Variants in ST3GAL4 observed in about 807,000 individuals in gnomAD.
ST3GAL4 encodes the protein ST3 beta-galactoside alpha-2,3-sialyltransferase 4.
ST3GAL4 carries 24 observed loss-of-function variants against 42.6 expected under a neutral mutation model. That is an observed-to-expected ratio of 0.56 (90% CI 0.41 to 0.79). The LOEUF is 0.79. ST3GAL4 is among the 30% of genes least tolerant of loss of function. The pLI, the probability that ST3GAL4 is intolerant of heterozygous loss-of-function variation, is 0.00. For synonymous variants in ST3GAL4, 135 were observed against 163.2 expected (o/e 0.83, Z 1.32); for missense variants, 311 against 430.8 (o/e 0.72, Z 2.46).
intron 1 of ST3GAL4, among the ~76,000 whole-genome samples, chr11:126,381,937 CT>C (rs1277822754): frequency 6.6e-6 from 1 of 151,742 alleles, no homozygotes; most frequent in African/African-American, 2.4e-5. Context: ...TAACTGCAGC[CT>C]TTCCCTGTGC....
intron 1 of ST3GAL4, among the ~76,000 whole-genome samples, chr11:126,377,879 C>T (rs375784446): frequency 4.6e-5 from 7 of 152,330 alleles, no homozygotes; most frequent in African/African-American, 1.7e-4. Context: ...ATTCATTCAT[C>T]CCAGATTGTA....
At chr11:126,387,941 C>T (rs1279484004) in intron 1 of ST3GAL4, among the ~76,000 whole-genome samples, 1 of 152,224 alleles carries the variant, frequency 6.6e-6, no homozygotes, top group African/African-American at 2.4e-5. Context: ...GGAGATTAGA[C>T]GATACCAGCA....
chr11:126,372,635 C>T (rs1354781216), intron 1 of ST3GAL4, among the ~76,000 whole-genome samples: 4 of 152,102 alleles, frequency 2.6e-5, no homozygotes, highest in Admixed American at 6.6e-5. Flanking sequence ...AGGCTGGTCT[C>T]GAACTCCCAA....
chr11:126,381,829 T>A (rs1387605489), intron 1 of ST3GAL4, among the ~76,000 whole-genome samples: 1 of 151,342 alleles, frequency 6.6e-6, no homozygotes, highest in Non-Finnish European at 1.5e-5. Context: ...GGGGAATCCA[T>A]TTCCTCCCTC....
At position 126,397,417 on chromosome 11, in the gene ST3GAL4, A is replaced by G. The variant is rs1368595587; in HGVS notation, c.-60-8679A>G. On this transcript the variant is annotated intron_variant, in intron 1 of 10. Transcript: ENST00000444328. This position sits in a 1 kb window ranked among gnomAD's most constrained non-coding sequence, Gnocchi z 5.0. ...GAGGTCATGGGATAGTGGGCAAGAC[A>G]TGAAAACCTTGTATAATATAAAATT... Among the ~76,000 whole-genome samples, 6 of 152,124 alleles carry G rather than the reference A, an allele frequency of 3.9e-5. No homozygotes were observed. The highest frequency in any genetic ancestry group is 7.3e-5 in the Non-Finnish European group (5 of 68,032).
At chr11:126,413,290 T>G (rs1954608968) in intron 9 of ST3GAL4, 3 of 509,172 alleles carry the variant, frequency 5.9e-6, no homozygotes, top group South Asian at 6.5e-5. Flanking sequence ...CGATTTAAAT[T>G]TACAATTTAA....
At chr11:126,382,641 G>A (rs1953052105) in intron 1 of ST3GAL4, among the ~76,000 whole-genome samples, 1 of 152,164 alleles carries the variant, frequency 6.6e-6, no homozygotes, top group Non-Finnish European at 1.5e-5. Flanking sequence ...CACTTGGCAT[G>A]ACCCCTGGCA....
intron 1 of ST3GAL4, among the ~76,000 whole-genome samples, chr11:126,374,784 C>G (rs1565399905): frequency 6.6e-6 from 1 of 152,122 alleles, no homozygotes; most frequent in African/African-American, 2.4e-5. Context: ...GATGACCGGT[C>G]TGTTCTTGGC....
chr11:126,362,215 T>TTTTTA (rs1555080379), intron 1 of ST3GAL4, among the ~76,000 whole-genome samples: 1 of 141,432 alleles, frequency 7.1e-6, no homozygotes, highest in African/African-American at 2.7e-5. Context: ...TTTTTTTTTT[T>TTTTTA]AAGACGGAGT....
chr11:126,409,011 T>G lies in ST3GAL4; in HGVS notation c.628-257T>G, dbSNP rs192707244. ...CCTGTGTGGATGTTCTTGGAAGTGG[T>G]CCATGGTTTAGACCCTCCACTCTAT... On this transcript the variant is annotated intron_variant, in intron 8 of 10. Coordinates refer to ENST00000444328, the MANE Select transcript of ST3GAL4 (RefSeq NM_001254757.2). This position sits in a 1 kb window ranked among gnomAD's most constrained non-coding sequence, Gnocchi z 4.9. 6.6e-6 allele frequency among the ~76,000 whole-genome samples: 1 copy of G among 152,192 alleles called. No individual in the cohort carries two copies. The highest frequency in any genetic ancestry group is 2.4e-5 in the African/African-American group (1 of 41,448).
At chr11:126,395,452 C>T (rs1953707806) in intron 1 of ST3GAL4, among the ~76,000 whole-genome samples, 1 of 152,120 alleles carries the variant, frequency 6.6e-6, no homozygotes, top group Admixed American at 6.5e-5. Context: ...ATCGCAAAGG[C>T]CCAGAGGAGG....
At position 126,411,795 on chromosome 11, in the gene ST3GAL4, C is replaced by T. The variant is rs1046351058; in HGVS notation, c.772-1710C>T. ...GCCTCCATCTTCAAGCCAGCGACGG[C>T]ACAATAGATCCTTTCTGTGCTTCAA... On this transcript the variant is annotated intron_variant, in intron 9 of 10. Transcript: ENST00000444328. The surrounding 1 kb of genome is among the most constrained non-coding windows in gnomAD (Gnocchi z 6.3). 1.3e-5 allele frequency among the ~76,000 whole-genome samples: 2 copies of T among 152,108 alleles called. No individual in the cohort carries two copies. Among genetic ancestry groups the T allele is most frequent in the African/African-American group, 4.8e-5 (2 of 41,428 alleles).
Position 126,363,571 on chromosome 11 carries a change from C to T in ST3GAL4, c.-61+7729C>T, listed in dbSNP as rs1952323547. ...GTTTGGCGAAGAGACAGTGCCTGCC[C>T]AAAGTATGCAATGCTTTTATCTTTA... On this transcript the variant is annotated intron_variant, in intron 1 of 10. Coordinates refer to ENST00000444328, the MANE Select transcript of ST3GAL4 (RefSeq NM_001254757.2). This position sits in a 1 kb window ranked among gnomAD's most constrained non-coding sequence, Gnocchi z 4.6. Among the ~76,000 whole-genome samples the T allele has an allele frequency of 6.6e-6, 1 of 152,224 alleles. No individual in the cohort carries two copies. Among genetic ancestry groups the T allele is most frequent in the Non-Finnish European group, 1.5e-5 (1 of 68,042 alleles).
chr11:126,368,921 C>T (rs919952760), intron 1 of ST3GAL4, among the ~76,000 whole-genome samples: 1 of 152,136 alleles, frequency 6.6e-6, no homozygotes, highest in Non-Finnish European at 1.5e-5. Context: ...AACACACACA[C>T]CCCTCCCCCA....
chr11:126,403,884 C>T (rs1001783084), intron 1 of ST3GAL4, among the ~76,000 whole-genome samples: 20 of 152,278 alleles, frequency 1.3e-4, no homozygotes, highest in African/African-American at 2.2e-4. Flanking sequence ...GCGTGCACAT[C>T]GAGGTTTGAG....
rs544657932 is a variant in ST3GAL4 at position 126,382,653 on chromosome 11, C to T, written c.-60-23443C>T. Among the ~76,000 whole-genome samples, 6 of 152,256 alleles carry T rather than the reference C, an allele frequency of 3.9e-5. No homozygotes were observed. In the East Asian group the frequency reaches 7.7e-4, roughly 20 times the overall value. On this transcript the variant is annotated intron_variant, in intron 1 of 10. Transcript: ENST00000444328. ...AGGCACTTGGCATGACCCCTGGCAT[C>T]GCCTTCAGTTGATTTAGTGTCTCTG...
chr11:126,387,779 C>T (rs1439533220), intron 1 of ST3GAL4, among the ~76,000 whole-genome samples: 1 of 148,448 alleles, frequency 6.7e-6, no homozygotes, highest in Non-Finnish European at 1.5e-5. Flanking sequence ...CTTGAGAGGC[C>T]ATAGCCTTTG....
chr11:126,375,188 T>TC (rs1952789492), intron 1 of ST3GAL4: 1 of 152,326 alleles, frequency 6.6e-6, no homozygotes, highest in Non-Finnish European at 1.5e-5. Flanking sequence ...AAGTCTGGTG[T>TC]CCATCTGGCA....
In ST3GAL4 at chr11:126,397,365, C is replaced by T. The variant is rs776236293; in HGVS notation, c.-60-8731C>T. 2.6e-5 allele frequency among the ~76,000 whole-genome samples: 4 copies of T among 152,004 alleles called. No individual in the cohort carries two copies. The highest frequency in any genetic ancestry group is 5.9e-5 in the Non-Finnish European group (4 of 68,022). Reference sequence around the variant, plus strand: ...ATAGTACACTTAACTCTGGTGGGCTCTTGGTATAAAAATGTCTCCAATCTC... The same window carrying T: ...ATAGTACACTTAACTCTGGTGGGCTTTTGGTATAAAAATGTCTCCAATCTC... On this transcript the variant is annotated intron_variant, in intron 1 of 10. Coordinates refer to ENST00000444328, the MANE Select transcript of ST3GAL4 (RefSeq NM_001254757.2). This position sits in a 1 kb window ranked among gnomAD's most constrained non-coding sequence, Gnocchi z 5.0.
Sources: allele counts gnomAD v4.1 joint callset (sites outside exome capture counted in the v4.1 genomes callset), GRCh38; gene constraint gnomAD v4.1.1; non-coding constraint Gnocchi (gnomAD v3.1); transcripts MANE v1.5; gene names NCBI Gene and HGNC (gene_info 2026-07-23, HGNC 2026-07-21).